Variants in NAV3 observed in about 807,000 individuals in gnomAD.
NAV3 encodes the protein pore membrane and/or filament interacting like protein 1.
In NAV3, 87 loss-of-function variants were observed where a neutral mutation model predicts 244.7. That is an observed-to-expected ratio of 0.36 (90% CI 0.30 to 0.42). NAV3 has a LOEUF of 0.42. NAV3 is among the 20% of genes least tolerant of loss of function. The pLI is 1.00. For missense variants in NAV3, 2,663 were observed against 2,893.3 expected, an observed-to-expected ratio of 0.92 and a Z score of 1.83; for synonymous variants, 1,126 against 1,042.2, an observed-to-expected ratio of 1.08 and a Z score of -1.55.
upstream of NAV3, among the ~76,000 whole-genome samples, chr12:77,829,660 G>C (rs1303831065): frequency 1.3e-5 from 2 of 152,064 alleles, no homozygotes; most frequent in African/African-American, 4.8e-5. Flanking sequence ...TATTTGTTTT[G>C]TATTACCCCG....
intron 12 of NAV3, among the ~76,000 whole-genome samples, chr12:78,064,953 T>C (rs190361793): frequency 6.6e-6 from 1 of 152,214 alleles, no homozygotes; most frequent in East Asian, 1.9e-4. Flanking sequence ...ATGAGAAGTT[T>C]CCCAATTTTT....
chr12:78,107,410 C>T (rs369185840), intron 12 of NAV3, among the ~76,000 whole-genome samples: 46 of 151,660 alleles, frequency 3.0e-4, no homozygotes, highest in Non-Finnish European at 5.6e-4. Flanking sequence ...GTCCCCAGGC[C>T]GATAAAACGC....
chr12:77,948,243 A>C (rs1394537194), intron 3 of NAV3, among the ~76,000 whole-genome samples: 2 of 152,104 alleles, frequency 1.3e-5, no homozygotes, highest in African/African-American at 4.8e-5. Context: ...TTTATATTAT[A>C]GAATGAATAG....
At chr12:77,576,288 T>C (rs938476904) in intron 2 of NAV3, among the ~76,000 whole-genome samples, 2 of 152,092 alleles carry the variant, frequency 1.3e-5, no homozygotes, top group African/African-American at 4.8e-5. Context: ...GATTTTTTTT[T>C]TGGACTGAAA....
chr12:78,051,869 G>T (rs1882810800), intron 11 of NAV3, among the ~76,000 whole-genome samples: 3 of 152,188 alleles, frequency 2.0e-5, no homozygotes, highest in Non-Finnish European at 1.5e-5. Context: ...GTGCTTTGAA[G>T]ATATTGTTTT....
chr12:77,721,518 A>G (rs1876632190), intron 2 of NAV3, among the ~76,000 whole-genome samples: 1 of 152,196 alleles, frequency 6.6e-6, no homozygotes, highest in Non-Finnish European at 1.5e-5. Flanking sequence ...TCAATTACTT[A>G]TATAAATGTT....
At chr12:77,819,394 T>A (rs1451430651) in intron 2 of NAV3, among the ~76,000 whole-genome samples, 1 of 151,750 alleles carries the variant, frequency 6.6e-6, no homozygotes, top group African/African-American at 2.4e-5. Context: ...ACAAACTTCT[T>A]TAGGTGAAAA....
At chr12:77,916,391 C>G (rs1239486321) in intron 1 of NAV3, among the ~76,000 whole-genome samples, 1 of 151,820 alleles carries the variant, frequency 6.6e-6, no homozygotes, top group Non-Finnish European at 1.5e-5. Flanking sequence ...ACATGTAGTC[C>G]ATACCCTTCA....
In NAV3 at chr12:77,938,554, A is replaced by G. The variant is rs184441366; in HGVS notation, c.244-1765A>G. Among the ~76,000 whole-genome samples, 64 of 152,276 alleles carry G rather than the reference A, an allele frequency of 4.2e-4. 1 individual carries two copies. The East Asian group carries it at 0.012, about 28-fold the overall frequency. On this transcript the variant is annotated intron_variant, in intron 1 of 39. Transcript: ENST00000397909. ...TATGTACTAGTCTTATGATGCCAGT[A>G]GGACTACTTTGTATTTTCTAATAGA...
At chr12:77,977,285 G>C (rs1359642499) in intron 5 of NAV3, among the ~76,000 whole-genome samples, 2 of 152,100 alleles carry the variant, frequency 1.3e-5, no homozygotes, top group Non-Finnish European at 2.9e-5. Flanking sequence ...ATTACAGAGA[G>C]AGATGTACAA....
intron 1 of NAV3, among the ~76,000 whole-genome samples, chr12:77,932,621 T>A (rs1054249440): frequency 2.0e-5 from 3 of 152,194 alleles, no homozygotes; most frequent in African/African-American, 7.2e-5. Flanking sequence ...GTCTTGTAAG[T>A]AATCTGTCTT....
intron 2 of NAV3, among the ~76,000 whole-genome samples, chr12:77,631,990 T>C (rs1871926608): frequency 6.6e-6 from 1 of 152,214 alleles, no homozygotes; most frequent in Non-Finnish European, 1.5e-5. Flanking sequence ...AGTGGTAGAA[T>C]ATACACGTGA....
chr12:78,025,459 G>A (rs911330006), intron 9 of NAV3, among the ~76,000 whole-genome samples: 4 of 151,738 alleles, frequency 2.6e-5, no homozygotes, highest in South Asian at 2.1e-4. Flanking sequence ...AGCCGGCTGC[G>A]GTGGCAGACA....
chr12:77,602,893 G>T (rs1361388984), intron 2 of NAV3, among the ~76,000 whole-genome samples: 1 of 151,924 alleles, frequency 6.6e-6, no homozygotes, highest in African/African-American at 2.4e-5. Context: ...CATGCAACAG[G>T]GAATTCCAAG....
intron 12 of NAV3, among the ~76,000 whole-genome samples, chr12:78,114,783 C>G (rs1380390573): frequency 6.6e-6 from 1 of 152,030 alleles, no homozygotes; most frequent in African/African-American, 2.4e-5. Context: ...TTTGAGCAAC[C>G]ACAAATGACA....
chr12:77,574,076 G>A (rs1868961770), intron 2 of NAV3, among the ~76,000 whole-genome samples: 1 of 152,144 alleles, frequency 6.6e-6, no homozygotes, highest in African/African-American at 2.4e-5. Flanking sequence ...TGCAAGAAGT[G>A]TAAAAATACT....
chr12:77,892,558 G>C (rs1462162040), intron 1 of NAV3, among the ~76,000 whole-genome samples: 2 of 151,958 alleles, frequency 1.3e-5, no homozygotes, highest in African/African-American at 4.8e-5. Context: ...TGGGACTACA[G>C]GTGCATGGCA....
At chr12:78,037,139 T>C in intron 9 of NAV3, 1 of 703,000 alleles carries the variant, frequency 1.4e-6, no homozygotes, top group South Asian at 1.5e-5. Flanking sequence ...TCCTGCCTGC[T>C]GGGGGCAGCC....
chr12:78,194,174 C>T (rs1959101374), intron 34 of NAV3, among the ~76,000 whole-genome samples: 1 of 151,982 alleles, frequency 6.6e-6, no homozygotes, highest in Non-Finnish European at 1.5e-5. Flanking sequence ...TTCTATCATC[C>T]TACACATATG....
Sources: gnomAD v4.1 joint callset for allele counts (sites outside exome capture counted in the v4.1 genomes callset) on GRCh38, gnomAD v4.1.1 for gene constraint, MANE v1.5 for transcripts, NCBI Gene and HGNC (gene_info 2026-07-23, HGNC 2026-07-21) for gene names.